The following CPLANE1 variants were observed in gnomAD, a reference collection of about 807,000 sequenced individuals.
The protein encoded by CPLANE1 is ciliogenesis and planar polarity effector complex subunit 1.
Under a neutral mutation model 362.5 loss-of-function variants are expected in CPLANE1, and 263 were observed. That is an observed-to-expected ratio of 0.73 (90% CI 0.66 to 0.80). CPLANE1 has a LOEUF of 0.80. CPLANE1 is among the 30% of genes least tolerant of loss of function. The pLI, the probability that CPLANE1 is intolerant of heterozygous loss-of-function variation, is 0.00. For synonymous variants in CPLANE1, 1,212 were observed against 1,302.6 expected (o/e 0.93, Z 1.50); for missense variants, 3,461 against 3,793.4 (o/e 0.91, Z 2.30).
rs1164225709 is a variant in CPLANE1 at position 37,206,187 on chromosome 5, A to C, written c.3149+10T>G. On this transcript the variant is annotated intron_variant, in intron 17 of 52. Transcript: ENST00000651892. ...CATACTATATCTTAAAATTGCCTAAAAATCCATACCTCATGAAATTGCTAT... is the reference window on the plus strand; with the variant it reads ...CATACTATATCTTAAAATTGCCTAACAATCCATACCTCATGAAATTGCTAT... 6.5e-7 allele frequency: 1 copy of C among 1,533,340 alleles called. No homozygotes were observed. The highest frequency in any genetic ancestry group is 8.8e-7 in the Non-Finnish European group (1 of 1,130,392). The allele number at this position is 1,533,340 out of a possible 1,614,324, so 95.0% of individuals were successfully genotyped here.
chr5:37,187,075 A>C (rs1244541737), intron 23 of CPLANE1, among the ~76,000 whole-genome samples: 3 of 149,358 alleles, frequency 2.0e-5, no homozygotes, highest in East Asian at 1.9e-4. Flanking sequence ...AAAAAAAAAA[A>C]AAAAAAAAAA....
At position 37,162,466 on chromosome 5, in the gene CPLANE1, TG is replaced by T; in HGVS notation, c.7688del (p.Pro2563GlnfsTer6). On this transcript the variant is annotated frameshift_variant and splice_region_variant, in exon 38 of 53. Coordinates refer to ENST00000651892, the MANE Select transcript of CPLANE1 (RefSeq NM_001384732.1). LOFTEE classifies it high-confidence loss of function. Reference sequence around the variant, plus strand: ...TTTAAAAAGTAAAACAGCATTTACCTGGGTCTGTATTTGTACTTGCATCTTG... The same window carrying T: ...TTTAAAAAGTAAAACAGCATTTACCTGGTCTGTATTTGTACTTGCATCTTG... Reference protein sequence around the residue: ...GSQDASTNTDPEHEPLTAPQL... With the variant: ...GSQDASTNTDXEHEPLTAPQL... 6.3e-7 allele frequency: 1 copy of T among 1,585,448 alleles called. No homozygotes were observed. Among genetic ancestry groups the T allele is most frequent in the Non-Finnish European group, 8.6e-7 (1 of 1,157,436 alleles).
intron 19 of CPLANE1, 68 bp downstream of exon 19, chr5:37,201,523 G>A (rs1032511610): frequency 2.3e-6 from 3 of 1,305,832 alleles, no homozygotes; most frequent in African/African-American, 1.5e-5. Flanking sequence ...TTATTATCAA[G>A]TTAATTATTT....
At chr5:37,176,503 G>A (rs1379252455) in intron 30 of CPLANE1, among the ~76,000 whole-genome samples, 2 of 151,912 alleles carry the variant, frequency 1.3e-5, no homozygotes, top group Non-Finnish European at 2.9e-5. Flanking sequence ...TAGGCATGGT[G>A]GTGCACACCT....
intron 21 of CPLANE1, among the ~76,000 whole-genome samples, chr5:37,193,076 GA>G (rs1315714151): frequency 1.3e-5 from 2 of 149,508 alleles, no homozygotes; most frequent in Non-Finnish European, 3.0e-5. Context: ...CTGAGGCGGA[GA>G]ATTGCTTGAA....
At chr5:37,076,125 G>A in the CPLANE1 span, among the ~76,000 whole-genome samples, 1 of 151,842 alleles carries the variant, frequency 6.6e-6, no homozygotes, top group Admixed American at 6.6e-5. Context: ...GCATGGTGGT[G>A]TTTACCTGTG....
intron 51 of CPLANE1, among the ~76,000 whole-genome samples, chr5:37,114,742 A>G (rs1181460727): frequency 6.6e-6 from 1 of 152,058 alleles, no homozygotes; most frequent in Non-Finnish European, 1.5e-5. Flanking sequence ...TCTACGAAAA[A>G]TACAAAAATT....
At chr5:37,128,181 A>G (rs1764765582) in intron 46 of CPLANE1, among the ~76,000 whole-genome samples, 1 of 152,174 alleles carries the variant, frequency 6.6e-6, no homozygotes, top group African/African-American at 2.4e-5. Context: ...TAATTTTTGT[A>G]TTTTTGGTAG....
chr5:37,198,775 G>A lies in CPLANE1; in HGVS notation c.3599C>T (p.Ala1200Val), dbSNP rs141153181. Residue 1200 changes from alanine to valine, a missense_variant, in exon 20 of 53, where the codon GCG (alanine) becomes GTG (valine). Around this residue, in one of 2 missense-constraint regions of CPLANE1, gnomAD observed 3,380 missense variants for 3,666.1 expected, o/e 0.92. Coordinates refer to ENST00000651892, the MANE Select transcript of CPLANE1 (RefSeq NM_001384732.1). ...ILQRVLLLFRAAQCSFPVAQW... is the reference protein window; with the variant it reads ...ILQRVLLLFRVAQCSFPVAQW... ...TGCTACAGGAAAAGAACACTGAGCC[G>A]CCCGGAAAAGCAGGAGAACACGCTG... 1.7e-5 allele frequency: 27 copies of A among 1,613,858 alleles called. No individual in the cohort carries two copies. The highest frequency in any genetic ancestry group is 4.0e-5 in the African/African-American group (3 of 74,862).
At chr5:37,154,599 C>T (rs910012007) in intron 41 of CPLANE1, among the ~76,000 whole-genome samples, 1 of 151,518 alleles carries the variant, frequency 6.6e-6, no homozygotes, top group Non-Finnish European at 1.5e-5. Flanking sequence ...TGCGCCTGGT[C>T]TGCAACACCT....
chr5:37,195,071 C>T (rs902999339), intron 21 of CPLANE1, among the ~76,000 whole-genome samples: 3 of 150,526 alleles, frequency 2.0e-5, no homozygotes, highest in Admixed American at 6.6e-5. Context: ...AGGAGAATAT[C>T]GGGAACCCAG....
chr5:37,229,092 C>T (rs569285519), intron 9 of CPLANE1, among the ~76,000 whole-genome samples: 15 of 151,352 alleles, frequency 9.9e-5, no homozygotes, highest in South Asian at 2.1e-4. Flanking sequence ...TGGTGGCGCG[C>T]GCCTGCAATT....
At chr5:37,121,881 G>T (rs79891905) in intron 48 of CPLANE1, 97 bp from the exon 49 acceptor site, 95 of 722,940 alleles carry the variant, frequency 1.3e-4, no homozygotes, top group South Asian at 3.3e-4. Flanking sequence ...GCATGTTCTG[G>T]TTTTTTTTTT....
chr5:37,139,337 T>G lies in CPLANE1; in HGVS notation c.8663+3A>C. 2 of 1,305,474 alleles carry G rather than the reference T, an allele frequency of 1.5e-6. No homozygotes were observed. The highest frequency in any genetic ancestry group is 2.1e-6 in the Non-Finnish European group (2 of 949,124). 80.9% of individuals were successfully genotyped at this position (1,305,474 alleles called of 1,614,324 possible). ...ATTGTGAATTAACTCTTAAGATATT[T>G]ACCTCTCACACAATTCATCACTGCT... On this transcript the variant is annotated splice_donor_region_variant and intron_variant, in intron 45 of 52. Transcript: ENST00000651892.
the CPLANE1 span, chr5:37,085,859 C>A: frequency 1.8e-6 from 2 of 1,096,332 alleles, no homozygotes; most frequent in African/African-American, 1.5e-5. Context: ...GTGAAATGGT[C>A]CCTGGGTGAC....
chr5:37,226,629 C>A lies in CPLANE1; in HGVS notation c.1966G>T (p.Asp656Tyr), dbSNP rs972236064. Reference protein sequence around the residue: ...IHYWDIRYKQDVGHLIKLTSN... With the variant: ...IHYWDIRYKQYVGHLIKLTSN... Reference sequence around the variant, plus strand: ...GTCAGCTTTATCAAATGCCCCACATCTTGTTTGTATCTTATATCCCAATAA... The same window carrying A: ...GTCAGCTTTATCAAATGCCCCACATATTGTTTGTATCTTATATCCCAATAA... The change falls in exon 12 of 53, where the codon GAT (aspartate) becomes TAT (tyrosine). Residue 656 changes from aspartate to tyrosine, a missense_variant. Coordinates refer to ENST00000651892, the MANE Select transcript of CPLANE1 (RefSeq NM_001384732.1). 1 of 1,551,434 alleles carries A rather than the reference C, an allele frequency of 6.4e-7. No individual in the cohort carries two copies. The highest frequency in any genetic ancestry group is 8.7e-7 in the Non-Finnish European group (1 of 1,146,868).
rs1796471778 is a variant in CPLANE1 at position 37,226,341 on chromosome 5, G to A, written c.2254C>T (p.Pro752Ser). Residue 752 changes from proline to serine, a missense_variant, in exon 12 of 53, where the codon CCT (proline) becomes TCT (serine). Around this residue, in one of 2 missense-constraint regions of CPLANE1, gnomAD observed 3,380 missense variants for 3,666.1 expected, o/e 0.92. Coordinates refer to ENST00000651892, the MANE Select transcript of CPLANE1 (RefSeq NM_001384732.1). Reference sequence around the variant, plus strand: ...TGTTGCACAGGATTTACTACTTGAGGATGAATCTTGAAAAATGAGTTCCAA... The same window carrying A: ...TGTTGCACAGGATTTACTACTTGAGAATGAATCTTGAAAAATGAGTTCCAA... ...WSWNSFFKIH[P>S]QVVNPVQQPG... is the part of the protein sequence containing the mutation. 3.2e-6 allele frequency: 5 copies of A among 1,541,458 alleles called. No homozygotes were observed. Among genetic ancestry groups the A allele is most frequent in the Middle Eastern group, 1.7e-4 (1 of 5,950 alleles).
Position 37,145,748 on chromosome 5 carries a change from G to A in CPLANE1, c.8461+2433C>T, listed in dbSNP as rs556789508. On this transcript the variant is annotated intron_variant, in intron 43 of 52. Transcript: ENST00000651892. Reference sequence around the variant, plus strand: ...TAAAAGGCAAAAAAGAGGGACAAAAGTAAAGGAAATAAATGGCAAAAAAAC... The same window carrying A: ...TAAAAGGCAAAAAAGAGGGACAAAAATAAAGGAAATAAATGGCAAAAAAAC... 1.6e-3 allele frequency among the ~76,000 whole-genome samples: 245 copies of A among 152,070 alleles called. 1 individual carries two copies. Among genetic ancestry groups the A allele is most frequent in the Middle Eastern group, 3.4e-3 (1 of 294 alleles).
intron 43 of CPLANE1, among the ~76,000 whole-genome samples, chr5:37,146,366 A>G (rs181559612): frequency 6.6e-6 from 1 of 152,188 alleles, no homozygotes; most frequent in Admixed American, 6.5e-5. Flanking sequence ...TTTAGTAGAG[A>G]CAGGGTTTCA....
Sources: gnomAD v4.1 joint callset for allele counts (sites outside exome capture counted in the v4.1 genomes callset) on GRCh38, gnomAD v4.1.1 for gene constraint, gnomAD v4.1.1 regional missense constraint, MANE v1.5 for transcripts, NCBI Gene and HGNC (gene_info 2026-07-23, HGNC 2026-07-21) for gene names.